PTPRD: variants seen among roughly 807,000 people sequenced by gnomAD.
PTPRD encodes the protein receptor-type tyrosine-protein phosphatase delta.
PTPRD carries 34 observed loss-of-function variants against 214.5 expected under a neutral mutation model. That is an observed-to-expected ratio of 0.16 (90% confidence interval 0.12 to 0.21). The LOEUF (loss-of-function observed/expected upper bound fraction) is 0.21. Among genes scored for constraint, PTPRD ranks in the 10% least tolerant of loss-of-function variants. The pLI, the probability that PTPRD is intolerant of heterozygous loss-of-function variation, is 1.00. For missense variants in PTPRD, 2,545 were observed against 2,398.7 expected, an observed-to-expected ratio of 1.06 and a Z score of -1.27; for synonymous variants, 1,128 against 845.7, an observed-to-expected ratio of 1.33 and a Z score of -5.79.
intron 10 of PTPRD, among the ~76,000 whole-genome samples, chr9:9,175,227 T>C (rs1296122727): frequency 3.3e-5 from 5 of 152,196 alleles, no homozygotes; most frequent in African/African-American, 9.6e-5. Context: ...TTGTCTTTCA[T>C]GTTACCCTGT....
At chr9:9,245,825 T>A (rs973641516) in intron 9 of PTPRD, among the ~76,000 whole-genome samples, 1 of 152,104 alleles carries the variant, frequency 6.6e-6, no homozygotes, top group Non-Finnish European at 1.5e-5. Context: ...AACGTTTGAA[T>A]GTTTTTGGGA....
intron 14 of PTPRD, among the ~76,000 whole-genome samples, chr9:8,557,092 C>T (rs1161054532): frequency 2.0e-5 from 3 of 151,946 alleles, no homozygotes; most frequent in African/African-American, 7.3e-5. Context: ...GAAGGAGTGC[C>T]CATTCAGAGA....
At chr9:9,695,127 A>G (rs1264235083) in intron 7 of PTPRD, among the ~76,000 whole-genome samples, 2 of 152,162 alleles carry the variant, frequency 1.3e-5, no homozygotes, top group African/African-American at 2.4e-5. Context: ...CTCTCTGGGT[A>G]TCGCTGGTGG....
intron 14 of PTPRD, among the ~76,000 whole-genome samples, chr9:8,604,855 T>C (rs775376803): frequency 6.6e-6 from 1 of 151,992 alleles, no homozygotes; most frequent in Non-Finnish European, 1.5e-5. Flanking sequence ...GGAGAGAAAA[T>C]AAGGTCATCC....
At chr9:8,590,482 T>C (rs146592209) in intron 14 of PTPRD, among the ~76,000 whole-genome samples, 141 of 152,270 alleles carry the variant, frequency 9.3e-4, no homozygotes, top group Non-Finnish European at 1.7e-3. Flanking sequence ...CTTTCACTTA[T>C]GGGTGATAGG....
chr9:8,842,836 G>A (rs920133957), intron 11 of PTPRD, among the ~76,000 whole-genome samples: 1 of 152,076 alleles, frequency 6.6e-6, no homozygotes, highest in African/African-American at 2.4e-5. Flanking sequence ...AGACTTTGAC[G>A]GTGTTTCACA....
chr9:10,529,373 G>A (rs935253554), intron 2 of PTPRD, among the ~76,000 whole-genome samples: 1 of 152,066 alleles, frequency 6.6e-6, no homozygotes, highest in Non-Finnish European at 1.5e-5. Flanking sequence ...TATACACCAT[G>A]GAATACTATT....
intron 2 of PTPRD, among the ~76,000 whole-genome samples, chr9:10,609,426 C>T (rs2080344407): frequency 6.6e-6 from 1 of 152,074 alleles, no homozygotes. Flanking sequence ...TGTAAAGTTA[C>T]ATTAATCACA....
chr9:8,589,160 A>C (rs537618506), intron 14 of PTPRD, among the ~76,000 whole-genome samples: 31 of 152,328 alleles, frequency 2.0e-4, no homozygotes, highest in African/African-American at 7.0e-4. Context: ...TCTTACAGGA[A>C]TTTATTCTGG....
rs374865193 is a variant in PTPRD at position 10,060,909 on chromosome 9, T to C, written c.-544-27119A>G. ...CCTTCCTTCCTTCCTTCTTTCTTTC[T>C]TTCTTTCTTTCTTTCTTTCTTTCTT... On this transcript the variant is annotated intron_variant, in intron 3 of 45. Transcript: ENST00000381196. Among the ~76,000 whole-genome samples the C allele has an allele frequency of 1.6e-3, 164 of 100,808 alleles. 3 individuals carry two copies. The highest frequency in any genetic ancestry group is 4.0e-3 in the Admixed American group (38 of 9,564). 66.1% of individuals were successfully genotyped at this position (100,808 alleles called of 152,430 possible).
chr9:9,331,422 A>G (rs1394166856), intron 9 of PTPRD, among the ~76,000 whole-genome samples: 1 of 152,088 alleles, frequency 6.6e-6, no homozygotes, highest in Non-Finnish European at 1.5e-5. Context: ...ATGCATAGAG[A>G]GACATTGGAT....
intron 3 of PTPRD, among the ~76,000 whole-genome samples, chr9:10,221,213 C>A (rs1389557300): frequency 6.6e-6 from 1 of 151,952 alleles, no homozygotes; most frequent in Admixed American, 6.6e-5. Context: ...TGTCTCCAGT[C>A]GTTGGTGTGC....
intron 11 of PTPRD, among the ~76,000 whole-genome samples, chr9:8,961,468 G>A (rs1172642023): frequency 3.3e-5 from 5 of 152,028 alleles, no homozygotes; most frequent in African/African-American, 1.2e-4. Flanking sequence ...TTTCCACTAG[G>A]TCAGAGTTAG....
rs537404662 is a variant in PTPRD, at chr9:9,179,712, T to G, written c.-143+3592A>C. On this transcript the variant is annotated intron_variant, in intron 10 of 45. Transcript: ENST00000381196. ...TGGCAGGATAATGGAAACCTGATTC[T>G]TTTGCCATCTAGTTAGATGGTTTTG... Among the ~76,000 whole-genome samples, 3 of 152,182 alleles carry G rather than the reference T, an allele frequency of 2.0e-5. No homozygotes were observed. The South Asian group carries it at 6.2e-4, about 32-fold the overall frequency.
intron 5 of PTPRD, among the ~76,000 whole-genome samples, chr9:9,871,766 C>A (rs936336143): frequency 6.6e-6 from 1 of 152,020 alleles, no homozygotes; most frequent in African/African-American, 2.4e-5. Context: ...AGGAGAAGCT[C>A]ATGGGCAGAG....
intron 3 of PTPRD, among the ~76,000 whole-genome samples, chr9:10,176,988 AT>A (rs35815187): frequency 6.6e-6 from 1 of 151,968 alleles, no homozygotes; most frequent in South Asian, 2.1e-4. Flanking sequence ...TGTTTGTTTC[AT>A]TTTTTTGCTC....
chr9:10,410,801 C>G (rs1292508145), intron 2 of PTPRD, among the ~76,000 whole-genome samples: 1 of 151,620 alleles, frequency 6.6e-6, no homozygotes, highest in Non-Finnish European at 1.5e-5. Flanking sequence ...AATGCCAAAA[C>G]CAACTAAATT....
chr9:9,578,124 T>C (rs1170889123), intron 7 of PTPRD, among the ~76,000 whole-genome samples: 1 of 150,436 alleles, frequency 6.6e-6, no homozygotes, highest in African/African-American at 2.4e-5. Flanking sequence ...GAACAACCAT[T>C]CAGAAAGCAC....
chr9:8,803,116 G>A (rs192882630), intron 11 of PTPRD, among the ~76,000 whole-genome samples: 2 of 152,030 alleles, frequency 1.3e-5, no homozygotes, highest in African/African-American at 2.4e-5. Context: ...CTCCTAGGGC[G>A]GTTAAAAGAA....
Sources: allele counts gnomAD v4.1 joint callset (sites outside exome capture counted in the v4.1 genomes callset), GRCh38; gene constraint gnomAD v4.1.1; transcripts MANE v1.5; gene names NCBI Gene and HGNC (gene_info 2026-07-23, HGNC 2026-07-21).